The following OGDH variants were observed in gnomAD, a reference collection of about 807,000 sequenced individuals.
OGDH encodes oxoglutarate dehydrogenase.
Under a neutral mutation model 116.6 loss-of-function variants are expected in OGDH, and 38 were observed. The ratio of observed to expected loss-of-function variants is 0.33; its 90% CI spans 0.25 to 0.43. The LOEUF (loss-of-function observed/expected upper bound fraction) is 0.43. Ranked by LOEUF, OGDH falls within the 20% of genes least tolerant of loss-of-function variation. The pLI, the probability that OGDH is intolerant of heterozygous loss-of-function variation, is 1.00. For missense variants in OGDH, 825 were observed against 1,357.2 expected (o/e 0.61, Z 6.16); for synonymous variants, 488 against 533.3 (o/e 0.92, Z 1.17).
intron 5 of OGDH, among the ~76,000 whole-genome samples, chr7:44,672,597 G>C (rs1562658877): frequency 6.6e-6 from 1 of 151,788 alleles, no homozygotes. Flanking sequence ...GCCTCTGCAG[G>C]AGTACCAGGA....
At chr7:44,639,128 AG>A (rs938600990) in intron 2 of OGDH, among the ~76,000 whole-genome samples, 1 of 152,174 alleles carries the variant, frequency 6.6e-6, no homozygotes, top group African/African-American at 2.4e-5. Flanking sequence ...GCAAGTGGAC[AG>A]GGAGGGCTCT....
At chr7:44,698,986 A>G (rs973503542) in intron 18 of OGDH, among the ~76,000 whole-genome samples, 1 of 151,624 alleles carries the variant, frequency 6.6e-6, no homozygotes, top group Non-Finnish European at 1.5e-5. Flanking sequence ...TTTACTAAAA[A>G]TACAAAAACT....
chr7:44,664,413 T>C (rs896042939), intron 4 of OGDH, among the ~76,000 whole-genome samples: 1 of 152,210 alleles, frequency 6.6e-6, no homozygotes, highest in Non-Finnish European at 1.5e-5. Flanking sequence ...GTGTTTTCTC[T>C]GGTATTTGCC....
chr7:44,611,674 G>T (rs1784572582), intron 1 of OGDH, among the ~76,000 whole-genome samples: 1 of 152,042 alleles, frequency 6.6e-6, no homozygotes, highest in Non-Finnish European at 1.5e-5. Context: ...GCTTCCTGAA[G>T]TGCCAGGATT....
At chr7:44,645,253 A>G in intron 2 of OGDH, 74 bp from the exon 3 acceptor site, 1 of 1,358,024 alleles carries the variant, frequency 7.4e-7, no homozygotes, top group Admixed American at 1.8e-5. Flanking sequence ...TGCAGAGAGC[A>G]GTTCTCTGTG....
At position 44,698,199 on chromosome 7, in the gene OGDH, A is replaced by T; in HGVS notation, c.2366A>T (p.Glu789Val). ...LPHGMEGMGP[E>V]HSSARPERFL... is the part of the protein sequence containing the mutation. ...TTGCGTGTGTGGTTCCAGGGTCCAG[A>T]ACATTCCTCCGCCCGCCCAGAGCGG... Residue 789 changes from glutamate to valine, a missense_variant, in exon 18 of 23, where the codon GAA becomes GTA. Glu to Val is a moderately radical substitution (Grantham distance 121). Coordinates refer to ENST00000222673, the MANE Select transcript of OGDH (RefSeq NM_002541.4). 6.2e-7 allele frequency: 1 copy of T among 1,614,192 alleles called. No homozygotes were observed. Among genetic ancestry groups the T allele is most frequent in the Non-Finnish European group, 8.5e-7 (1 of 1,180,036 alleles).
intron 20 of OGDH, among the ~76,000 whole-genome samples, chr7:44,703,430 A>G (rs902482556): frequency 6.7e-6 from 1 of 150,364 alleles, no homozygotes; most frequent in Non-Finnish European, 1.5e-5. Flanking sequence ...AACAAAAAAG[A>G]CTGAATAGGC....
At chr7:44,673,701 C>A in intron 5 of OGDH, 86 bp from the exon 6 acceptor site, 1 of 1,348,974 alleles carries the variant, frequency 7.4e-7, no homozygotes. Context: ...TTATCCCCTC[C>A]TTCTGGCTGA....
At chr7:44,667,960 C>T (rs186898892) in intron 5 of OGDH, among the ~76,000 whole-genome samples, 4 of 152,150 alleles carry the variant, frequency 2.6e-5, no homozygotes, top group African/African-American at 4.8e-5. Flanking sequence ...GAGGCTGTTC[C>T]TCTCATGGCT....
intron 9 of OGDH, among the ~76,000 whole-genome samples, chr7:44,678,259 C>T (rs942178335): frequency 6.6e-6 from 1 of 152,094 alleles, no homozygotes; most frequent in Non-Finnish European, 1.5e-5. Context: ...ATTGTGATGA[C>T]CAGTGCCTCT....
At chr7:44,650,759 G>T (rs950924187) in intron 4 of OGDH, among the ~76,000 whole-genome samples, 1 of 152,196 alleles carries the variant, frequency 6.6e-6, no homozygotes, top group African/African-American at 2.4e-5. Context: ...CAGGAGAACT[G>T]TTTGCCAGCT....
chr7:44,693,716 C>A (rs1788460361), intron 10 of OGDH, 109 bp from the exon 11 acceptor site: 2 of 902,638 alleles, frequency 2.2e-6, no homozygotes, highest in Non-Finnish European at 1.6e-6. Context: ...GGTACGTACT[C>A]AGAGTAGCCA....
At chr7:44,658,178 A>G (rs1286721775) in intron 4 of OGDH, among the ~76,000 whole-genome samples, 1 of 152,162 alleles carries the variant, frequency 6.6e-6, no homozygotes, top group Non-Finnish European at 1.5e-5. Context: ...GCTTAAACCT[A>G]TAGATCCATT....
chr7:44,699,355 G>A (rs1323272244), intron 18 of OGDH, among the ~76,000 whole-genome samples: 3 of 150,972 alleles, frequency 2.0e-5, no homozygotes, highest in Non-Finnish European at 2.9e-5. Context: ...AACCCGGGAG[G>A]TGGAGGTTGC....
intron 1 of OGDH, among the ~76,000 whole-genome samples, chr7:44,620,692 CT>C (rs148422530): frequency 0.011 from 1,611 of 152,150 alleles, 27 homozygotes; most frequent in African/African-American, 0.037. Context: ...CCCAGGACAG[CT>C]TTGAATGTGG....
At chr7:44,673,648 C>A in intron 5 of OGDH, 139 bp from the exon 6 acceptor site, 1 of 815,860 alleles carries the variant, frequency 1.2e-6, no homozygotes, top group Non-Finnish European at 2.0e-6. Flanking sequence ...ATCCCATCCT[C>A]AGTCACACTT....
chr7:44,616,033 A>G (rs1171112379), intron 1 of OGDH, among the ~76,000 whole-genome samples: 1 of 134,460 alleles, frequency 7.4e-6, no homozygotes, highest in Non-Finnish European at 1.6e-5. Context: ...TGACAGAAAG[A>G]AAAAAAAAAA....
intron 1 of OGDH, among the ~76,000 whole-genome samples, chr7:44,623,191 T>C (rs1785068044): frequency 6.6e-6 from 1 of 152,154 alleles, no homozygotes; most frequent in African/African-American, 2.4e-5. Flanking sequence ...TTCTGGCTCT[T>C]CCCGTCTCTG....
chr7:44,660,942 G>A (rs1200787698), intron 4 of OGDH, among the ~76,000 whole-genome samples: 2 of 148,604 alleles, frequency 1.3e-5, no homozygotes, highest in East Asian at 2.0e-4. Context: ...ACGCGCGTGT[G>A]CACACACACA....
Sources: allele counts gnomAD v4.1 joint callset (sites outside exome capture counted in the v4.1 genomes callset), GRCh38; gene constraint gnomAD v4.1.1; transcripts MANE v1.5; gene names NCBI Gene and HGNC (gene_info 2026-07-23, HGNC 2026-07-21).